The following PYY variants were observed in gnomAD, a reference collection of about 807,000 sequenced individuals.
PYY encodes the protein peptide tyrosine tyrosine.
Under a neutral mutation model 10.3 loss-of-function variants are expected in PYY, and 12 were observed. That is an observed-to-expected ratio of 1.17 (90% CI 0.75 to 1.89). PYY has a LOEUF of 1.89. Ranked by LOEUF, PYY falls within the 40% of genes most tolerant of loss-of-function variation. The pLI, the probability that PYY is intolerant of heterozygous loss-of-function variation, is 0.00. For missense variants in PYY, 141 were observed against 134.0 expected, an observed-to-expected ratio of 1.05 and a Z score of -0.26; for synonymous variants, 66 against 62.0, an observed-to-expected ratio of 1.06 and a Z score of -0.30.
intron 2 of PYY, 36 bp downstream of exon 2, chr17:43,953,260 A>G: frequency 6.2e-7 from 1 of 1,608,108 alleles, no homozygotes; most frequent in Non-Finnish European, 8.5e-7. Context: ...CCGCAGGGTG[A>G]GAGCCCCAGG....
Position 43,952,760 on chromosome 17 carries a change from T to G in PYY, c.*196A>C. ...CCGTTTCTGTGGAATTTGCTCTTTA[T>G]TTTGGGACCAGGGAAGGACCACACA... On this transcript the variant is annotated 3_prime_UTR_variant, in exon 4 of 4. Transcript: ENST00000692052. The G allele has an allele frequency of 2.0e-6, 1 of 509,560 alleles. No individual in the cohort carries two copies. The highest frequency in any genetic ancestry group is 3.3e-5 in the East Asian group (1 of 29,938). 31.6% of individuals were successfully genotyped at this position (509,560 alleles called of 1,614,324 possible).
At chr17:44,000,862 G>A (rs8074997) in intron 1 of PYY, among the ~76,000 whole-genome samples, 3,029 of 152,092 alleles carry the variant, frequency 0.02, 119 homozygotes, top group African/African-American at 0.07. Flanking sequence ...GCCTATGTGA[G>A]TGCACAATTC....
intron 3 of PYY, 59 bp from the exon 4 acceptor site, chr17:43,953,039 A>AAGTGATG: frequency 6.3e-7 from 1 of 1,591,990 alleles, no homozygotes; most frequent in Non-Finnish European, 8.6e-7. Context: ...AGACGTCGTT[A>AAGTGATG]AGTGATGTTG....
chr17:43,955,948 T>C (rs2048669271), upstream of PYY, among the ~76,000 whole-genome samples: 1 of 151,946 alleles, frequency 6.6e-6, no homozygotes, highest in South Asian at 2.1e-4. Context: ...GGCTATTTGC[T>C]CTTCTGACCC....
intron 1 of PYY, among the ~76,000 whole-genome samples, chr17:43,985,660 A>G (rs903008334): frequency 6.6e-6 from 1 of 152,256 alleles, no homozygotes; most frequent in African/African-American, 2.4e-5. Context: ...ACCAATGGAT[A>G]TATCCAGAGA....
At chr17:43,958,500 C>G (rs2048690821), upstream of PYY, among the ~76,000 whole-genome samples, 1 of 152,242 alleles carries the variant, frequency 6.6e-6, no homozygotes, top group East Asian at 1.9e-4. Flanking sequence ...CTGCCTCAAC[C>G]TCCCAAGTAG....
At chr17:43,996,776 C>T (rs1597860356) in intron 1 of PYY, among the ~76,000 whole-genome samples, 2 of 152,166 alleles carry the variant, frequency 1.3e-5, no homozygotes, top group South Asian at 4.1e-4. Flanking sequence ...CAACCCCCAC[C>T]TCCTGGGCTT....
At chr17:43,957,304 A>G (rs2143892576), upstream of PYY, among the ~76,000 whole-genome samples, 1 of 152,286 alleles carries the variant, frequency 6.6e-6, no homozygotes, top group Non-Finnish European at 1.5e-5. Context: ...GTGAACAAAC[A>G]GGCAAAATCC....
chr17:43,993,276 C>T (rs567435917), intron 1 of PYY, among the ~76,000 whole-genome samples: 1 of 152,132 alleles, frequency 6.6e-6, no homozygotes, highest in East Asian at 1.9e-4. Context: ...CTGGCTAACA[C>T]GGTGAAACCC....
intron 1 of PYY, among the ~76,000 whole-genome samples, chr17:43,973,690 G>C (rs1010692390): frequency 1.3e-5 from 2 of 152,194 alleles, no homozygotes; most frequent in African/African-American, 4.8e-5. Context: ...AGCTGTTTGG[G>C]AGGCTGAGGC....
chr17:43,993,625 TAA>T (rs934902518), intron 1 of PYY, among the ~76,000 whole-genome samples: 1 of 142,498 alleles, frequency 7.0e-6, no homozygotes. Flanking sequence ...GACTCTGTCT[TAA>T]AAAAAAAAAA....
chr17:43,989,250 T>C (rs1205770676), intron 1 of PYY, among the ~76,000 whole-genome samples: 1 of 151,908 alleles, frequency 6.6e-6, no homozygotes, highest in Non-Finnish European at 1.5e-5. Flanking sequence ...GGCGGGCGCC[T>C]GTAGTCCCAG....
chr17:43,986,763 C>T (rs1417244183), intron 1 of PYY, among the ~76,000 whole-genome samples: 3 of 152,218 alleles, frequency 2.0e-5, no homozygotes, highest in Non-Finnish European at 4.4e-5. Flanking sequence ...GCGCAGCCTG[C>T]GTGTTCCTGC....
intron 1 of PYY, among the ~76,000 whole-genome samples, chr17:43,980,671 A>G (rs2048878637): frequency 6.6e-6 from 1 of 151,696 alleles, no homozygotes; most frequent in Non-Finnish European, 1.5e-5. Context: ...ACAGGGTTTC[A>G]CCATGTTGGC....
rs1204856972 is a variant in PYY, at chr17:43,953,358, C to T, written c.126G>A (p.Pro42=). The T allele has an allele frequency of 3.7e-6, 6 of 1,612,222 alleles. No individual in the cohort carries two copies. The highest frequency in any genetic ancestry group is 5.1e-6 in the Non-Finnish European group (6 of 1,179,346). ...AGGCGTAGTAGCGGTTCAGCTCCTC[C>T]GGCGAGGCGTCTTCGCGGGGAGCCT... ...KPEAPREDAS[P]EELNRYYASL... The change falls in exon 2 of 4, where the codon CCG becomes CCA. Residue 42 remains proline (P), a synonymous_variant. Coordinates refer to ENST00000692052, the MANE Select transcript of PYY (RefSeq NM_001394028.1).
At chr17:43,976,244 T>TAC (rs1302283449) in intron 1 of PYY, among the ~76,000 whole-genome samples, 11 of 109,766 alleles carry the variant, frequency 1.0e-4, no homozygotes, top group East Asian at 7.1e-4. Context: ...TGCGTATATA[T>TAC]ACACATATGT....
At chr17:43,963,703 C>T (rs961574097) in intron 2 of PYY, among the ~76,000 whole-genome samples, 5 of 151,974 alleles carry the variant, frequency 3.3e-5, no homozygotes, top group South Asian at 2.1e-4. Flanking sequence ...CAGTGGCTCA[C>T]GCCTGTAATC....
chr17:44,003,676 A>T (rs2049047840), intron 1 of PYY, among the ~76,000 whole-genome samples: 1 of 150,254 alleles, frequency 6.7e-6, no homozygotes, highest in Non-Finnish European at 1.5e-5. Flanking sequence ...CAAACAAAAA[A>T]AAAAAAAAAA....
At chr17:43,994,748 C>T (rs1025644655) in intron 1 of PYY, among the ~76,000 whole-genome samples, 1 of 152,204 alleles carries the variant, frequency 6.6e-6, no homozygotes, top group African/African-American at 2.4e-5. Flanking sequence ...CCCCGTTAGG[C>T]TGCACCCTCA....
Sources: gnomAD v4.1 joint callset for allele counts (sites outside exome capture counted in the v4.1 genomes callset) on GRCh38, gnomAD v4.1.1 for gene constraint, MANE v1.5 for transcripts, NCBI Gene and HGNC (gene_info 2026-07-23, HGNC 2026-07-21) for gene names.